STARD13: variants seen among roughly 807,000 people sequenced by gnomAD.
STARD13 encodes stAR-related lipid transfer protein 13.
STARD13 carries 62 observed loss-of-function variants against 106.4 expected under a neutral mutation model. The ratio of observed to expected loss-of-function variants is 0.58; its 90% CI spans 0.48 to 0.72. The LOEUF is 0.72. Among genes scored for constraint, STARD13 ranks in the 30% least tolerant of loss-of-function variants. STARD13 has a pLI of 0.00. For missense variants in STARD13, 1,387 were observed against 1,424.0 expected, an observed-to-expected ratio of 0.97 and a Z score of 0.42; for synonymous variants, 565 against 553.0, an observed-to-expected ratio of 1.02 and a Z score of -0.31.
the STARD13 span, among the ~76,000 whole-genome samples, chr13:33,542,007 AC>A: frequency 6.6e-6 from 1 of 152,194 alleles, no homozygotes; most frequent in East Asian, 1.9e-4. Context: ...GACCAAGGCC[AC>A]ACCAGAAAAC....
At chr13:33,636,908 A>G in the STARD13 span, among the ~76,000 whole-genome samples, 1 of 152,176 alleles carries the variant, frequency 6.6e-6, no homozygotes, top group Non-Finnish European at 1.5e-5. Context: ...AATTGTTTTT[A>G]ATCTCCTGGA....
the STARD13 span, among the ~76,000 whole-genome samples, chr13:33,461,374 A>G: frequency 7.2e-5 from 11 of 152,356 alleles, no homozygotes; most frequent in East Asian, 1.9e-3. Context: ...GTCCTAAACA[A>G]TGCTAAGTGC....
At chr13:33,339,878 A>C (rs184262312) in intron 1 of STARD13, among the ~76,000 whole-genome samples, 422 of 152,188 alleles carry the variant, frequency 2.8e-3, no homozygotes, top group African/African-American at 9.6e-3. Flanking sequence ...CGAAGTCAGG[A>C]GTTCAAGACC....
At chr13:33,400,787 G>C in the STARD13 span, among the ~76,000 whole-genome samples, 1 of 152,172 alleles carries the variant, frequency 6.6e-6, no homozygotes, top group Non-Finnish European at 1.5e-5. Flanking sequence ...ATTCTTGACT[G>C]TGATGTGGGA....
the STARD13 span, among the ~76,000 whole-genome samples, chr13:33,488,633 T>C: frequency 6.6e-6 from 1 of 152,366 alleles, no homozygotes; most frequent in East Asian, 1.9e-4. Context: ...TTCTATGCTT[T>C]TTCTTCTACC....
rs959709783 is a variant in STARD13, at chr13:33,103,641, C to T, written c.*1952G>A. 3.3e-5 allele frequency: 5 copies of T among 152,590 alleles called. No individual in the cohort carries two copies. Among genetic ancestry groups the T allele is most frequent in the Admixed American group, 3.3e-4 (5 of 15,264 alleles). 9.5% of individuals were successfully genotyped at this position (152,590 alleles called of 1,614,324 possible). A position where few individuals can be genotyped will look rare whatever the true frequency, so the allele number is the denominator to read the frequency against. On this transcript the variant is annotated 3_prime_UTR_variant, in exon 14 of 14. Coordinates refer to ENST00000336934, the MANE Select transcript of STARD13 (RefSeq NM_178006.4). Reference sequence around the variant, plus strand: ...CAGAGTCTGCAGTTTCACAAGATCCCCAGGCAATTCATGTGCATGTGAAAT... The same window carrying T: ...CAGAGTCTGCAGTTTCACAAGATCCTCAGGCAATTCATGTGCATGTGAAAT...
chr13:33,330,306 T>G (rs1303931135), intron 1 of STARD13, among the ~76,000 whole-genome samples: 3 of 152,242 alleles, frequency 2.0e-5, no homozygotes, highest in African/African-American at 7.2e-5. Context: ...TGAAGTGATA[T>G]CTCATTATGG....
chr13:33,650,181 T>G, the STARD13 span, among the ~76,000 whole-genome samples: 10 of 80,496 alleles, frequency 1.2e-4, no homozygotes, highest in East Asian at 1.1e-3. Context: ...TTTTTTTTTT[T>G]TTTTTTTTTT....
At chr13:33,341,058 C>T (rs970536666) in intron 1 of STARD13, among the ~76,000 whole-genome samples, 1 of 152,148 alleles carries the variant, frequency 6.6e-6, no homozygotes, top group Non-Finnish European at 1.5e-5. Flanking sequence ...CATTCAAGGA[C>T]TCTGAAAAAA....
intron 1 of STARD13, among the ~76,000 whole-genome samples, chr13:33,306,545 A>G (rs1463887545): frequency 6.6e-6 from 1 of 152,246 alleles, no homozygotes; most frequent in Non-Finnish European, 1.5e-5. Flanking sequence ...CAGACAAACT[A>G]CAGAATGGGA....
At chr13:33,368,225 G>T in the STARD13 span, among the ~76,000 whole-genome samples, 2 of 152,102 alleles carry the variant, frequency 1.3e-5, no homozygotes, top group Non-Finnish European at 2.9e-5. Context: ...CTCCCTCCTC[G>T]ATCCTGGCCC....
At position 33,106,703 on chromosome 13, in the gene STARD13, G is replaced by C. The variant is rs972910847; in HGVS notation, c.3224+55C>G. ...GGGTGACATCCCTGCTGGATGTGCT[G>C]TACAAGCTGAGACTCCCAAGATCTG... On this transcript the variant is annotated intron_variant, in intron 13 of 13. Transcript: ENST00000336934. The C allele has an allele frequency of 2.2e-5, 33 of 1,505,924 alleles. No individual in the cohort carries two copies. The Middle Eastern group carries it at 8.9e-4, about 41-fold the overall frequency. 93.3% of individuals were successfully genotyped at this position (1,505,924 alleles called of 1,614,324 possible).
intron 3 of STARD13, among the ~76,000 whole-genome samples, chr13:33,151,778 A>G (rs1026530417): frequency 6.6e-6 from 1 of 152,246 alleles, no homozygotes; most frequent in African/African-American, 2.4e-5. Flanking sequence ...AGAAGGAACT[A>G]AAGAGAAACA....
the STARD13 span, among the ~76,000 whole-genome samples, chr13:33,595,795 T>A: frequency 6.6e-6 from 1 of 152,192 alleles, no homozygotes; most frequent in Admixed American, 6.5e-5. Flanking sequence ...GTTTTAAATC[T>A]TGTGATTTAA....
intron 1 of STARD13, among the ~76,000 whole-genome samples, chr13:33,338,036 T>C (rs2077916248): frequency 6.6e-6 from 1 of 152,220 alleles, no homozygotes; most frequent in Non-Finnish European, 1.5e-5. Flanking sequence ...GGCTCCGGAC[T>C]CCTGACTTGT....
the STARD13 span, among the ~76,000 whole-genome samples, chr13:33,398,130 G>A: frequency 2.0e-5 from 3 of 152,180 alleles, no homozygotes; most frequent in Non-Finnish European, 4.4e-5. Context: ...AATTGGGGAG[G>A]TGGTTACAGG....
intron 1 of STARD13, among the ~76,000 whole-genome samples, chr13:33,255,367 A>G (rs969934336): frequency 6.6e-6 from 1 of 151,974 alleles, no homozygotes; most frequent in Non-Finnish European, 1.5e-5. Flanking sequence ...TATTATTATC[A>G]AAGCTAAGAA....
intron 1 of STARD13, among the ~76,000 whole-genome samples, chr13:33,208,719 A>G (rs1396388347): frequency 6.6e-6 from 1 of 152,176 alleles, no homozygotes; most frequent in Non-Finnish European, 1.5e-5. Context: ...CTGAACTAGG[A>G]GGACAGGGTT....
intron 3 of STARD13, among the ~76,000 whole-genome samples, chr13:33,153,034 G>T (rs1269085904): frequency 6.6e-6 from 1 of 152,198 alleles, no homozygotes; most frequent in Non-Finnish European, 1.5e-5. Context: ...AAAATGTCTA[G>T]CTAAGAAGGA....
Sources: allele counts gnomAD v4.1 joint callset (sites outside exome capture counted in the v4.1 genomes callset), GRCh38; gene constraint gnomAD v4.1.1; transcripts MANE v1.5; gene names NCBI Gene and HGNC (gene_info 2026-07-23, HGNC 2026-07-21).